The following ADCY2 variants were observed in gnomAD, a reference collection of about 807,000 sequenced individuals.
ADCY2 encodes the protein adenylate cyclase type 2.
Under a neutral mutation model 125.2 loss-of-function variants are expected in ADCY2, and 31 were observed. That is an observed-to-expected ratio of 0.25 (90% confidence interval 0.19 to 0.33). The LOEUF (loss-of-function observed/expected upper bound fraction) is 0.33. ADCY2 is among the 10% of genes least tolerant of loss of function. ADCY2 has a pLI of 1.00. For synonymous variants in ADCY2, 512 were observed against 548.4 expected, an observed-to-expected ratio of 0.93 and a Z score of 0.93; for missense variants, 904 against 1,418.2, an observed-to-expected ratio of 0.64 and a Z score of 5.82.
At chr5:7,691,765 AAACT>A (rs915324713) in intron 5 of ADCY2, 32 of 154,452 alleles carry the variant, frequency 2.1e-4, no homozygotes, top group African/African-American at 7.7e-4. Context: ...CTGCTATAAA[AAACT>A]AACTGAGACT....
At chr5:7,704,711 C>G (rs118108899) in intron 7 of ADCY2, among the ~76,000 whole-genome samples, 3,393 of 152,128 alleles carry the variant, frequency 0.022, 367 homozygotes, top group Admixed American at 0.19. Flanking sequence ...AACCCCGTCT[C>G]TACCAAAAAA....
In ADCY2 at chr5:7,763,049, T is replaced by TG. The variant is rs199743793; in HGVS notation, c.2095-3638_2095-3637insG. ...GAAGAGTGCTTTCATTTTCTTTGTT[T>TG]TTTTTGTTTGTTTGTTTGTTTGTTT... is the stretch of plus-strand genomic sequence containing the variant. On this transcript the variant is annotated intron_variant, in intron 16 of 24. Transcript: ENST00000338316. Among the ~76,000 whole-genome samples the TG allele has an allele frequency of 1.9e-3, 264 of 142,670 alleles. 3 individuals are homozygous for TG. The highest frequency in any genetic ancestry group is 6.8e-3 in the African/African-American group (258 of 37,950). The allele number at this position is 142,670 out of a possible 152,430, so 93.6% of individuals were successfully genotyped here.
chr5:7,454,842 G>A (rs1379858605), intron 2 of ADCY2, among the ~76,000 whole-genome samples: 2 of 151,954 alleles, frequency 1.3e-5, no homozygotes, highest in East Asian at 3.9e-4. Flanking sequence ...TTAATTTTTT[G>A]TACAATATAC....
chr5:7,655,273 C>T (rs1283315252), intron 4 of ADCY2, among the ~76,000 whole-genome samples: 1 of 152,098 alleles, frequency 6.6e-6, no homozygotes, highest in Admixed American at 6.5e-5. Context: ...CTGTATTAGT[C>T]AGGGGTCTTT....
At chr5:7,774,895 C>T (rs1440226075) in intron 18 of ADCY2, among the ~76,000 whole-genome samples, 2 of 152,154 alleles carry the variant, frequency 1.3e-5, no homozygotes, top group Non-Finnish European at 2.9e-5. Flanking sequence ...TTATGGGGTA[C>T]ATGAGATGTT....
At chr5:7,653,125 G>T (rs1739156099) in intron 4 of ADCY2, among the ~76,000 whole-genome samples, 1 of 152,160 alleles carries the variant, frequency 6.6e-6, no homozygotes, top group Non-Finnish European at 1.5e-5. Flanking sequence ...GCAGAATGCT[G>T]GTAGTTCTGT....
chr5:7,547,131 A>G (rs919104903), intron 3 of ADCY2, among the ~76,000 whole-genome samples: 1 of 152,286 alleles, frequency 6.6e-6, no homozygotes, highest in East Asian at 1.9e-4. Flanking sequence ...GATGTTCCTC[A>G]AGGGAAGGCT....
rs923506288 is a variant in ADCY2, at chr5:7,693,697, A to G, written c.870-2055A>G. The stretch of plus-strand genomic sequence containing the variant: ...CTTGGCCTCCCAAAGTGCTGGGATT[A>G]CAGGCGTGAGCCACCACGCCCGGCC... On this transcript the variant is annotated intron_variant, in intron 5 of 24. Coordinates refer to ENST00000338316, the MANE Select transcript of ADCY2 (RefSeq NM_020546.3). Among the ~76,000 whole-genome samples, 9 of 152,316 alleles carry G rather than the reference A, an allele frequency of 5.9e-5. No homozygotes were observed. The East Asian group carries it at 1.7e-3, about 29-fold the overall frequency.
chr5:7,565,802 G>A (rs1325753152), intron 3 of ADCY2, among the ~76,000 whole-genome samples: 1 of 152,240 alleles, frequency 6.6e-6, no homozygotes, highest in Admixed American at 6.5e-5. Context: ...CTAAGAAACC[G>A]CATTGCCAAA....
chr5:7,472,867 C>T (rs917007407), intron 2 of ADCY2, among the ~76,000 whole-genome samples: 3 of 152,140 alleles, frequency 2.0e-5, no homozygotes, highest in African/African-American at 7.2e-5. Context: ...CAGCTTTAGG[C>T]TTCTCCTGTG....
At chr5:7,519,288 T>C (rs1744360272) in intron 2 of ADCY2, among the ~76,000 whole-genome samples, 1 of 152,212 alleles carries the variant, frequency 6.6e-6, no homozygotes, top group Non-Finnish European at 1.5e-5. Flanking sequence ...GCCTAGCTTA[T>C]TGCCCACATT....
At position 7,396,890 on chromosome 5, in the gene ADCY2, G is replaced by A. The variant is rs1357811756; in HGVS notation, c.210+384G>A. On this transcript the variant is annotated intron_variant, in intron 1 of 24. Transcript: ENST00000338316. The surrounding 1 kb of genome is among the most constrained non-coding windows in gnomAD (Gnocchi z 5.7). The stretch of plus-strand genomic sequence containing the variant: ...CGACTCAGCCCTGGGCTTCCTGGGC[G>A]AGTCGCTGTCTCCTGCCCGGTTCCA... Among the ~76,000 whole-genome samples, 1 of 152,228 alleles carries A rather than the reference G, an allele frequency of 6.6e-6. No individual in the cohort carries two copies. The highest frequency in any genetic ancestry group is 1.9e-4 in the East Asian group (1 of 5,176).
At chr5:7,428,860 T>C (rs181715853) in intron 2 of ADCY2, among the ~76,000 whole-genome samples, 1 of 152,314 alleles carries the variant, frequency 6.6e-6, no homozygotes. Flanking sequence ...CCAGTTTCCT[T>C]TCTGGAGAGA....
At chr5:7,423,639 T>C (rs989036598) in intron 2 of ADCY2, among the ~76,000 whole-genome samples, 4 of 152,198 alleles carry the variant, frequency 2.6e-5, no homozygotes, top group African/African-American at 9.7e-5. Context: ...AAACCTCTTT[T>C]CTTTATAAAT....
At chr5:7,701,567 T>C (rs112495535) in intron 7 of ADCY2, among the ~76,000 whole-genome samples, 2,422 of 152,308 alleles carry the variant, frequency 0.016, 56 homozygotes, top group African/African-American at 0.047. Flanking sequence ...TTCAAAATGT[T>C]GTGTAACCAT....
At chr5:7,582,226 A>G (rs1736461220) in intron 3 of ADCY2, among the ~76,000 whole-genome samples, 1 of 152,176 alleles carries the variant, frequency 6.6e-6, no homozygotes, top group Non-Finnish European at 1.5e-5. Flanking sequence ...GTGAACATGT[A>G]TGGGCTTAAA....
intron 3 of ADCY2, among the ~76,000 whole-genome samples, chr5:7,581,502 A>C (rs1352484757): frequency 8.6e-6 from 1 of 115,656 alleles, no homozygotes; most frequent in African/African-American, 3.2e-5. Context: ...GTTAAAAAGA[A>C]TAAGTTACAG....
intron 5 of ADCY2, chr5:7,691,088 G>A (rs948212807): frequency 6.5e-6 from 2 of 309,920 alleles, no homozygotes; most frequent in Admixed American, 5.1e-5. Flanking sequence ...CCTGGCTTCT[G>A]TAGCCAAGCA....
At chr5:7,613,347 C>G (rs1350079171) in intron 3 of ADCY2, among the ~76,000 whole-genome samples, 1 of 152,092 alleles carries the variant, frequency 6.6e-6, no homozygotes, top group African/African-American at 2.4e-5. Context: ...GCAGTTATCA[C>G]CTAATGAATG....
Sources: allele counts gnomAD v4.1 joint callset (sites outside exome capture counted in the v4.1 genomes callset), GRCh38; gene constraint gnomAD v4.1.1; non-coding constraint Gnocchi (gnomAD v3.1); transcripts MANE v1.5; gene names NCBI Gene and HGNC (gene_info 2026-07-23, HGNC 2026-07-21).